The following PDXDC1 variants were observed in gnomAD, a reference collection of about 807,000 sequenced individuals.
PDXDC1 encodes pyridoxal-dependent decarboxylase domain-containing protein 1.
A neutral mutation model predicts 100.1 loss-of-function variants in PDXDC1; 42 were observed. That is an observed-to-expected ratio of 0.42 (90% CI 0.33 to 0.54). The LOEUF is 0.54. Ranked by LOEUF, PDXDC1 falls within the 20% of genes least tolerant of loss-of-function variation. The pLI is 0.10. For missense variants in PDXDC1, 636 were observed against 979.2 expected (o/e 0.65, Z 4.68); for synonymous variants, 260 against 371.7 (o/e 0.70, Z 3.46).
intron 16 of PDXDC1, chr16:15,085,513 T>C: frequency 7.9e-7 from 1 of 1,269,528 alleles, no homozygotes; most frequent in Non-Finnish European, 1.1e-6. Context: ...AGACAAGGTC[T>C]CACTATGTTG....
the PDXDC1 span, among the ~76,000 whole-genome samples, chr16:15,151,126 TTA>T: frequency 2.8e-4 from 8 of 28,700 alleles, no homozygotes; most frequent in Non-Finnish European, 5.5e-4. Context: ...GTATATATTT[TTA>T]AAAGACATTG....
intron 16 of PDXDC1, among the ~76,000 whole-genome samples, chr16:15,104,085 T>C (rs1292790948): frequency 7.5e-5 from 3 of 39,876 alleles, no homozygotes; most frequent in African/African-American, 1.0e-4. Context: ...GGCAGGAGGA[T>C]TGCTTGAAGC....
intron 16 of PDXDC1, among the ~76,000 whole-genome samples, chr16:15,117,383 A>C (rs1443172276): frequency 3.9e-4 from 56 of 142,974 alleles, no homozygotes; most frequent in Non-Finnish European, 5.2e-4. Context: ...TATTTTGGCC[A>C]GGCGCGGTGG....
chr16:15,071,520 C>T (rs1472240515), intron 16 of PDXDC1, among the ~76,000 whole-genome samples: 4 of 152,246 alleles, frequency 2.6e-5, no homozygotes, highest in Admixed American at 2.6e-4. Flanking sequence ...GTAATCCCAG[C>T]ACTTTGGGAG....
intron 16 of PDXDC1, chr16:15,130,549 C>G (rs2047997121): frequency 3.0e-6 from 4 of 1,354,268 alleles, no homozygotes; most frequent in African/African-American, 1.4e-5. Flanking sequence ...CCCTCGCTGC[C>G]TGCCGTCCCC....
At chr16:15,074,576 C>A (rs1237955469) in intron 16 of PDXDC1, 2 of 496,390 alleles carry the variant, frequency 4.0e-6, no homozygotes, top group Non-Finnish European at 6.7e-6. Flanking sequence ...TGGCAAGTAA[C>A]TTGACCTCTT....
intron 16 of PDXDC1, among the ~76,000 whole-genome samples, chr16:15,050,467 T>G (rs1332230193): frequency 6.6e-6 from 1 of 152,156 alleles, no homozygotes; most frequent in Non-Finnish European, 1.5e-5. Context: ...GTGTGATGGC[T>G]CCCAACTGTA....
intron 9 of PDXDC1, 162 bp downstream of exon 9, chr16:15,016,375 T>C: frequency 2.1e-6 from 3 of 1,410,904 alleles, no homozygotes; most frequent in South Asian, 1.5e-5. Flanking sequence ...GAGATCTTAC[T>C]GGCTCACATA....
intron 16 of PDXDC1, among the ~76,000 whole-genome samples, chr16:15,122,122 C>G (rs1253122028): frequency 3.3e-5 from 5 of 151,922 alleles, no homozygotes; most frequent in African/African-American, 1.2e-4. Context: ...CGAGATCTTG[C>G]CACTGCACTC....
intron 16 of PDXDC1, among the ~76,000 whole-genome samples, chr16:15,030,658 A>G (rs2042996418): frequency 6.7e-6 from 1 of 149,900 alleles, no homozygotes. Context: ...ATCATGGCTC[A>G]CTGCAGCCTT....
intron 3 of PDXDC1, among the ~76,000 whole-genome samples, chr16:15,000,560 T>C (rs1480521814): frequency 6.6e-6 from 1 of 152,282 alleles, no homozygotes; most frequent in East Asian, 1.9e-4. Context: ...TCTATTCTCA[T>C]TAACAGACGA....
At chr16:15,116,536 T>A in intron 16 of PDXDC1, among the ~76,000 whole-genome samples, 2 of 108,528 alleles carry the variant, frequency 1.8e-5, no homozygotes, top group Non-Finnish European at 3.9e-5. Flanking sequence ...ATGGCATGAA[T>A]AGTGTGGGAT....
At chr16:15,062,668 G>C (rs2044762226) in intron 16 of PDXDC1, among the ~76,000 whole-genome samples, 1 of 152,184 alleles carries the variant, frequency 6.6e-6, no homozygotes, top group South Asian at 2.1e-4. Flanking sequence ...ACTGGAGATT[G>C]TTACTTGGTA....
chr16:15,066,959 G>C (rs1385597252), intron 16 of PDXDC1, among the ~76,000 whole-genome samples: 1 of 151,648 alleles, frequency 6.6e-6, no homozygotes, highest in African/African-American at 2.4e-5. Context: ...GCAGTCCTCT[G>C]TCCCCACCCC....
downstream of PDXDC1, among the ~76,000 whole-genome samples, chr16:15,042,520 T>C (rs908583615): frequency 6.6e-6 from 1 of 152,108 alleles, no homozygotes; most frequent in African/African-American, 2.4e-5. Context: ...TGCTTGTGCA[T>C]AGGTATTTTC....
rs2043341505 is a variant in PDXDC1, at chr16:15,035,276, G to C, written c.2003-173G>C. Among the ~76,000 whole-genome samples, 4 of 152,302 alleles carry C rather than the reference G, an allele frequency of 2.6e-5. No individual in the cohort carries two copies. The South Asian group carries it at 8.3e-4, about 32-fold the overall frequency. ...GATGCTGGCGGTACTGGCCCTGTGA[G>C]GTGGCTTTCTCTAGCTCACGGCACA... On this transcript the variant is annotated intron_variant, in intron 21 of 22. Transcript: ENST00000396410.
At chr16:15,102,078 C>T (rs1358151608) in intron 16 of PDXDC1, among the ~76,000 whole-genome samples, 1 of 152,132 alleles carries the variant, frequency 6.6e-6, no homozygotes, top group Non-Finnish European at 1.5e-5. Context: ...GAACGCCTGA[C>T]CTTGTGATCC....
At chr16:15,152,457 G>T in the PDXDC1 span, among the ~76,000 whole-genome samples, 1 of 45,226 alleles carries the variant, frequency 2.2e-5, no homozygotes, top group South Asian at 9.0e-4. Context: ...GTGGCCTGGG[G>T]GGCCAGCCAG....
intron 16 of PDXDC1, among the ~76,000 whole-genome samples, chr16:15,082,292 A>G (rs2045740521): frequency 6.6e-6 from 1 of 152,128 alleles, no homozygotes; most frequent in Non-Finnish European, 1.5e-5. Context: ...TGTTTGTCAC[A>G]CACTTCTGCA....
Sources: allele counts gnomAD v4.1 joint callset (sites outside exome capture counted in the v4.1 genomes callset), GRCh38; gene constraint gnomAD v4.1.1; transcripts MANE v1.5; gene names NCBI Gene and HGNC (gene_info 2026-07-23, HGNC 2026-07-21).